Variants in CEP128 observed in about 807,000 individuals in gnomAD.
CEP128 encodes centrosomal protein 128.
Under a neutral mutation model 156.7 loss-of-function variants are expected in CEP128, and 132 were observed. That is an observed-to-expected ratio of 0.84 (90% CI 0.73 to 0.97). The LOEUF is 0.97. Among genes scored for constraint, CEP128 ranks in the 50% least tolerant of loss-of-function variants. CEP128 has a pLI of 0.00. For missense variants in CEP128, 1,252 were observed against 1,281.9 expected (o/e 0.98, Z 0.36); for synonymous variants, 469 against 448.9 (o/e 1.04, Z -0.57).
chr14:80,730,506 G>A (rs984817780), intron 19 of CEP128, among the ~76,000 whole-genome samples: 4 of 152,144 alleles, frequency 2.6e-5, no homozygotes, highest in Non-Finnish European at 4.4e-5. Flanking sequence ...GTTTTAACAG[G>A]GAAAAGGAGG....
chr14:80,729,063 G>GTGTGTGTGTGTA, intron 19 of CEP128, among the ~76,000 whole-genome samples: 2 of 31,754 alleles, frequency 6.3e-5, no homozygotes, highest in African/African-American at 1.1e-4. Context: ...GTGGGGGTGT[G>GTGTGTGTGTGTA]TGTGTGTGTG....
intron 19 of CEP128, among the ~76,000 whole-genome samples, chr14:80,650,142 A>G (rs1477102358): frequency 1.3e-5 from 2 of 152,010 alleles, no homozygotes; most frequent in African/African-American, 4.8e-5. Flanking sequence ...ATCCCCTGTA[A>G]GTTGTATTCC....
intron 19 of CEP128, among the ~76,000 whole-genome samples, chr14:80,739,714 C>G (rs1199443305): frequency 6.6e-6 from 1 of 151,908 alleles, no homozygotes; most frequent in African/African-American, 2.4e-5. Context: ...TACAATAGGG[C>G]TAGAATTAAT....
In CEP128 at chr14:80,694,847, C is replaced by T. The variant is rs574909699; in HGVS notation, c.2806+48228G>A. Reference sequence around the variant, plus strand: ...TGGGTTGATAGGTACAGCAAACCATCATGGCACACGTATACCTATGTAACA... The same window carrying T: ...TGGGTTGATAGGTACAGCAAACCATTATGGCACACGTATACCTATGTAACA... On this transcript the variant is annotated intron_variant, in intron 19 of 24. Coordinates refer to ENST00000555265, the MANE Select transcript of CEP128 (RefSeq NM_152446.5). 1.4e-3 allele frequency among the ~76,000 whole-genome samples: 218 copies of T among 151,324 alleles called. 1 individual carries two copies. Among genetic ancestry groups the T allele is most frequent in the African/African-American group, 5.1e-3 (209 of 41,164 alleles).
At chr14:80,499,267 GA>G (rs1887630257) in intron 24 of CEP128, among the ~76,000 whole-genome samples, 1 of 152,126 alleles carries the variant, frequency 6.6e-6, no homozygotes, top group Non-Finnish European at 1.5e-5. Context: ...ACACAGAAGT[GA>G]AAATAGTGTG....
chr14:80,759,023 G>A (rs1331170418), intron 17 of CEP128, among the ~76,000 whole-genome samples: 2 of 152,192 alleles, frequency 1.3e-5, no homozygotes, highest in African/African-American at 4.8e-5. Context: ...GTTATGGAAA[G>A]AGAGAGACTA....
chr14:80,540,031 C>A (rs956845721), intron 21 of CEP128, among the ~76,000 whole-genome samples: 1 of 152,154 alleles, frequency 6.6e-6, no homozygotes, highest in Non-Finnish European at 1.5e-5. Flanking sequence ...TTTATCAAGA[C>A]AATACATGCA....
intron 19 of CEP128, among the ~76,000 whole-genome samples, chr14:80,689,286 G>A (rs1306531986): frequency 8.5e-5 from 6 of 70,810 alleles, no homozygotes; most frequent in African/African-American, 1.3e-4. Flanking sequence ...GCGAGACTCC[G>A]TCTCAAAAAA....
At chr14:80,874,047 C>A (rs1888158119) in intron 8 of CEP128, among the ~76,000 whole-genome samples, 1 of 152,036 alleles carries the variant, frequency 6.6e-6, no homozygotes, top group African/African-American at 2.4e-5. Context: ...GTTCGTATGT[C>A]TTTATCAGCA....
At chr14:80,925,036 T>G (rs1885072690) in intron 2 of CEP128, among the ~76,000 whole-genome samples, 1 of 152,044 alleles carries the variant, frequency 6.6e-6, no homozygotes, top group African/African-American at 2.4e-5. Context: ...ACTATTAAAC[T>G]GAGCAAAGAA....
chr14:80,539,427 C>T (rs1362701918), intron 21 of CEP128, among the ~76,000 whole-genome samples: 1 of 152,176 alleles, frequency 6.6e-6, no homozygotes, highest in Non-Finnish European at 1.5e-5. Flanking sequence ...AGGAGCATAA[C>T]TTGTGAAGAT....
At chr14:80,482,049 C>A (rs8005349) in intron 14 of CEP128, among the ~76,000 whole-genome samples, 44,917 of 152,098 alleles carry the variant, frequency 0.3, 7,374 homozygotes, top group Admixed American at 0.4. Context: ...GTGGGAGAAT[C>A]GCTTTTTAAA....
chr14:80,712,587 T>A (rs10151668), intron 19 of CEP128, among the ~76,000 whole-genome samples: 4,038 of 152,130 alleles, frequency 0.027, 178 homozygotes, highest in African/African-American at 0.092. Flanking sequence ...ACCCAGAGCA[T>A]GGTTTAGAAA....
intron 6 of CEP128, among the ~76,000 whole-genome samples, chr14:80,902,633 A>C (rs929158555): frequency 6.6e-6 from 1 of 152,210 alleles, no homozygotes; most frequent in African/African-American, 2.4e-5. Context: ...GAGAACTTTA[A>C]AGAAGCAGAA....
chr14:80,773,129 C>T (rs187355847), intron 16 of CEP128, among the ~76,000 whole-genome samples: 4 of 152,134 alleles, frequency 2.6e-5, no homozygotes, highest in South Asian at 2.1e-4. Flanking sequence ...CTCATAATTC[C>T]GCCTAGAATA....
At chr14:80,576,237 T>C (rs538820696) in intron 20 of CEP128, among the ~76,000 whole-genome samples, 13 of 152,180 alleles carry the variant, frequency 8.5e-5, no homozygotes, top group South Asian at 4.1e-4. Context: ...TGGATTACCT[T>C]GTGTGTCTAT....
intron 19 of CEP128, among the ~76,000 whole-genome samples, chr14:80,711,281 C>T: frequency 6.9e-6 from 1 of 145,206 alleles, no homozygotes; most frequent in African/African-American, 2.6e-5. Context: ...TAAAGACTGA[C>T]ATATAAGACT....
chr14:80,855,175 G>A (rs1887084746), intron 9 of CEP128, among the ~76,000 whole-genome samples: 1 of 152,118 alleles, frequency 6.6e-6, no homozygotes. Flanking sequence ...TGGTTGTCCT[G>A]TTGTGATAGT....
At chr14:80,768,843 A>G (rs1277389388) in intron 16 of CEP128, among the ~76,000 whole-genome samples, 1 of 152,234 alleles carries the variant, frequency 6.6e-6, no homozygotes, top group Non-Finnish European at 1.5e-5. Flanking sequence ...TTTTTCTAGG[A>G]AAGTATTGAG....
Sources: allele counts gnomAD v4.1 joint callset (sites outside exome capture counted in the v4.1 genomes callset), GRCh38; gene constraint gnomAD v4.1.1; transcripts MANE v1.5; gene names NCBI Gene and HGNC (gene_info 2026-07-23, HGNC 2026-07-21).